The following B4GALT1 variants were observed in gnomAD, a reference collection of about 807,000 sequenced individuals.
The protein encoded by B4GALT1 is N-acetyllactosamine synthase.
In B4GALT1, 16 loss-of-function variants were observed where a neutral mutation model predicts 34.9. The observed-to-expected ratio is 0.46, with a 90% confidence interval of 0.31 to 0.70. The LOEUF is 0.70. B4GALT1 is among the 30% of genes least tolerant of loss of function. The pLI, the probability that B4GALT1 is intolerant of heterozygous loss-of-function variation, is 0.05. For synonymous variants in B4GALT1, 221 were observed against 218.1 expected (o/e 1.01, Z -0.12); for missense variants, 445 against 530.5 (o/e 0.84, Z 1.58).
At chr9:33,124,085 G>A (rs1004820156) in intron 2 of B4GALT1, among the ~76,000 whole-genome samples, 2 of 152,194 alleles carry the variant, frequency 1.3e-5, no homozygotes, top group African/African-American at 2.4e-5. Context: ...CAGAACAGTG[G>A]AGGAGGAAAG....
chr9:33,138,391 C>T (rs1226310157), intron 1 of B4GALT1, among the ~76,000 whole-genome samples: 4 of 152,156 alleles, frequency 2.6e-5, no homozygotes, highest in Admixed American at 6.5e-5. Flanking sequence ...AACGCCCTGA[C>T]GTGTCCAGTG....
chr9:33,115,953 T>C lies in B4GALT1; in HGVS notation c.959+38A>G, dbSNP rs369084496. 90 of 1,598,970 alleles carry C rather than the reference T, an allele frequency of 5.6e-5. 1 individual carries two copies. The highest frequency in any genetic ancestry group is 7.3e-5 in the Non-Finnish European group (85 of 1,170,012). ...TTGGTTAAAAAACTGGAAGTGAAGG[T>C]TGACAGAGGAGAAAGATATCTAAGT... On this transcript the variant is annotated intron_variant, in intron 4 of 5. Coordinates refer to ENST00000379731, the MANE Select transcript of B4GALT1 (RefSeq NM_001497.4).
intron 2 of B4GALT1, among the ~76,000 whole-genome samples, chr9:33,132,477 T>C (rs1352175124): frequency 6.6e-6 from 1 of 152,232 alleles, no homozygotes; most frequent in African/African-American, 2.4e-5. Context: ...CAACCCAACA[T>C]TCCTCAAGCG....
downstream of B4GALT1, among the ~76,000 whole-genome samples, chr9:33,105,880 G>GTTTTTTTTTTTTTTTTT (rs35330697): frequency 2.3e-5 from 2 of 85,732 alleles, no homozygotes; most frequent in South Asian, 4.7e-4. Context: ...GGACTCGTGG[G>GTTTTTTTTTTTTTTTTT]TTTTTTTTTT....
chr9:33,109,391 A>G (rs1564033013), downstream of B4GALT1, among the ~76,000 whole-genome samples: 1 of 152,116 alleles, frequency 6.6e-6, no homozygotes. Context: ...TTCTAATATC[A>G]CTTATAATAA....
rs1290363557 is a variant in B4GALT1 at position 33,125,310 on chromosome 9, C to T, written c.649-4704G>A. 2.6e-5 allele frequency among the ~76,000 whole-genome samples: 4 copies of T among 152,142 alleles called. No homozygotes were observed. The South Asian group carries it at 8.3e-4, about 32-fold the overall frequency. On this transcript the variant is annotated intron_variant, in intron 2 of 5. Transcript: ENST00000379731. ...ACAGCCAAGGAACTACAAGAAATTC[C>T]GAATGAGTGAAGCCAGAATGAAACA...
intron 1 of B4GALT1, among the ~76,000 whole-genome samples, chr9:33,164,695 A>C (rs926793969): frequency 6.6e-6 from 1 of 152,240 alleles, no homozygotes; most frequent in Non-Finnish European, 1.5e-5. Context: ...TACGCTTCTG[A>C]GAGAAGATGT....
At chr9:33,142,754 C>G (rs1214323039) in intron 1 of B4GALT1, among the ~76,000 whole-genome samples, 1 of 152,124 alleles carries the variant, frequency 6.6e-6, no homozygotes, top group African/African-American at 2.4e-5. Context: ...GCTACCACAC[C>G]CAGCTAAGTG....
intron 2 of B4GALT1, among the ~76,000 whole-genome samples, chr9:33,121,852 C>T (rs1056595802): frequency 5.9e-5 from 9 of 152,086 alleles, no homozygotes; most frequent in African/African-American, 2.2e-4. Context: ...GGAAGCTCGA[C>T]CAAAGAGCCC....
Position 33,115,522 on chromosome 9 carries a change from G to A in B4GALT1, c.959+469C>T, listed in dbSNP as rs3780497. On this transcript the variant is annotated intron_variant, in intron 4 of 5. Coordinates refer to ENST00000379731, the MANE Select transcript of B4GALT1 (RefSeq NM_001497.4). Reference sequence around the variant, plus strand: ...TGACCAGGCCATAATGGTTGCTGGGGCTGGATAGGTCCTCAAAGGTTTATT... The same window carrying A: ...TGACCAGGCCATAATGGTTGCTGGGACTGGATAGGTCCTCAAAGGTTTATT... Among the ~76,000 whole-genome samples, 9 of 152,316 alleles carry A rather than the reference G, an allele frequency of 5.9e-5. No individual in the cohort carries two copies. In the East Asian group the frequency reaches 1.7e-3, roughly 29 times the overall value.
intron 1 of B4GALT1, among the ~76,000 whole-genome samples, chr9:33,154,688 C>A (rs1840571544): frequency 6.6e-6 from 1 of 152,214 alleles, no homozygotes; most frequent in Non-Finnish European, 1.5e-5. Flanking sequence ...CTTATCTATT[C>A]ATCTTGACTT....
chr9:33,123,578 G>A (rs1437720970), intron 2 of B4GALT1, among the ~76,000 whole-genome samples: 1 of 152,148 alleles, frequency 6.6e-6, no homozygotes, highest in Non-Finnish European at 1.5e-5. Flanking sequence ...CCCCAGGGCT[G>A]CCCAGCCCAG....
chr9:33,148,122 A>T (rs1018773832), intron 1 of B4GALT1, among the ~76,000 whole-genome samples: 3 of 152,182 alleles, frequency 2.0e-5, no homozygotes, highest in Non-Finnish European at 4.4e-5. Context: ...AATATCTAGG[A>T]TGTATAAGGA....
chr9:33,107,261 C>T (rs1368299697), downstream of B4GALT1, among the ~76,000 whole-genome samples: 3 of 152,186 alleles, frequency 2.0e-5, no homozygotes, highest in Admixed American at 6.5e-5. Context: ...ACCTCATTTC[C>T]TTTCTGGCAT....
chr9:33,165,993 A>G (rs940492844), intron 1 of B4GALT1, among the ~76,000 whole-genome samples: 3 of 152,166 alleles, frequency 2.0e-5, no homozygotes, highest in Admixed American at 2.0e-4. Flanking sequence ...TCTAACACCC[A>G]GAGTACACAA....
At chr9:33,160,298 G>C (rs901704515) in intron 1 of B4GALT1, among the ~76,000 whole-genome samples, 2 of 152,174 alleles carry the variant, frequency 1.3e-5, no homozygotes, top group African/African-American at 4.8e-5. Context: ...TGTGTGTTCA[G>C]CAACAGTTGA....
the B4GALT1 span, among the ~76,000 whole-genome samples, chr9:33,180,310 A>G: frequency 0.25 from 37,732 of 152,060 alleles, 5,269 homozygotes; most frequent in East Asian, 0.57. Context: ...CCATAACTGA[A>G]TGCAGCATTC....
At chr9:33,160,861 G>A (rs760669181) in intron 1 of B4GALT1, among the ~76,000 whole-genome samples, 5 of 152,154 alleles carry the variant, frequency 3.3e-5, no homozygotes, top group Non-Finnish European at 7.3e-5. Flanking sequence ...ATAGGAATTT[G>A]GGTGTGCTTT....
At chr9:33,118,592 C>A (rs1414593554) in intron 3 of B4GALT1, among the ~76,000 whole-genome samples, 1 of 151,724 alleles carries the variant, frequency 6.6e-6, no homozygotes, top group East Asian at 1.9e-4. Context: ...ATCACTTGAG[C>A]CAGGGAGTTT....
Sources: allele counts gnomAD v4.1 joint callset (sites outside exome capture counted in the v4.1 genomes callset), GRCh38; gene constraint gnomAD v4.1.1; transcripts MANE v1.5; gene names NCBI Gene and HGNC (gene_info 2026-07-23, HGNC 2026-07-21).